SPDYA: variants seen among roughly 807,000 people sequenced by gnomAD.
SPDYA encodes the protein speedy protein A.
A neutral mutation model predicts 36.7 loss-of-function variants in SPDYA; 11 were observed. The ratio of observed to expected loss-of-function variants is 0.30; its 90% CI spans 0.19 to 0.50. The LOEUF (loss-of-function observed/expected upper bound fraction) is 0.50. Ranked by LOEUF, SPDYA falls within the 20% of genes least tolerant of loss-of-function variation. The pLI is 0.98. For missense variants in SPDYA, 287 were observed against 370.9 expected (o/e 0.77, Z 1.86); for synonymous variants, 115 against 118.7 (o/e 0.97, Z 0.20).
At chr2:28,813,387 T>C (rs1399294030) in intron 1 of SPDYA, among the ~76,000 whole-genome samples, 1 of 152,190 alleles carries the variant, frequency 6.6e-6, no homozygotes, top group Non-Finnish European at 1.5e-5. Flanking sequence ...GTAAAACTTA[T>C]CTTCTGGAAT....
chr2:28,845,744 C>T (rs181280477), intron 7 of SPDYA, among the ~76,000 whole-genome samples: 13 of 151,956 alleles, frequency 8.6e-5, no homozygotes, highest in Middle Eastern at 3.4e-3. Context: ...AGGGTTTCAC[C>T]ATGTTGGTCA....
chr2:28,821,187 TTTTC>T (rs1299152495), intron 4 of SPDYA, among the ~76,000 whole-genome samples: 17 of 144,134 alleles, frequency 1.2e-4, no homozygotes, highest in African/African-American at 3.1e-4. Context: ...GATTTTTTTT[TTTTC>T]TTTTTCTTTT....
At chr2:28,833,798 C>A (rs996761218) in intron 6 of SPDYA, among the ~76,000 whole-genome samples, 3 of 151,902 alleles carry the variant, frequency 2.0e-5, no homozygotes, top group Non-Finnish European at 4.4e-5. Flanking sequence ...TCTTCGTGAC[C>A]TTGAATTAGG....
chr2:28,836,321 G>A (rs1022964101), intron 6 of SPDYA, among the ~76,000 whole-genome samples: 1 of 152,126 alleles, frequency 6.6e-6, no homozygotes, highest in Non-Finnish European at 1.5e-5. Flanking sequence ...TTTAGAAAAT[G>A]CATTTATTTC....
Position 28,820,718 on chromosome 2 carries a change from AT to A in SPDYA, c.295-1605del, listed in dbSNP as rs549769372. Reference sequence around the variant, plus strand: ...TTGTACCAAGCAGTCATATTTGAAAATTAAGCGTGACTTTACATCACTACTA... The same window carrying A: ...TTGTACCAAGCAGTCATATTTGAAAATAAGCGTGACTTTACATCACTACTA... On this transcript the variant is annotated intron_variant, in intron 4 of 7. Coordinates refer to ENST00000334056, the MANE Select transcript of SPDYA (RefSeq NM_182756.4). Among the ~76,000 whole-genome samples the A allele has an allele frequency of 2.9e-3, 447 of 152,308 alleles. 2 individuals are homozygous for A. Among genetic ancestry groups the A allele is most frequent in the African/African-American group, 9.8e-3 (406 of 41,576 alleles).
At chr2:28,847,737 C>T (rs1668915504) in intron 7 of SPDYA, among the ~76,000 whole-genome samples, 1 of 103,488 alleles carries the variant, frequency 9.7e-6, no homozygotes, top group African/African-American at 3.5e-5. Flanking sequence ...CAGAGCAAGA[C>T]TCTGTCTCAA....
At position 28,837,618 on chromosome 2, in the gene SPDYA, T is replaced by G. The variant is rs148689501; in HGVS notation, c.553-2554T>G. ...TATTAACTCTCACAATTCTTAGATC[T>G]AGCTAGGTAATCCCAGATAAGAAAC... On this transcript the variant is annotated intron_variant, in intron 6 of 7. Coordinates refer to ENST00000334056, the MANE Select transcript of SPDYA (RefSeq NM_182756.4). Among the ~76,000 whole-genome samples, 128 of 152,288 alleles carry G rather than the reference T, an allele frequency of 8.4e-4. 3 individuals are homozygous for G. In the East Asian group the frequency reaches 0.018, roughly 22 times the overall value.
chr2:28,836,680 T>C (rs146082536), intron 6 of SPDYA, among the ~76,000 whole-genome samples: 11 of 152,356 alleles, frequency 7.2e-5, no homozygotes, highest in African/African-American at 1.9e-4. Flanking sequence ...AATGAAATTT[T>C]TTCCCCTTTT....
intron 7 of SPDYA, among the ~76,000 whole-genome samples, chr2:28,848,602 G>A (rs1269975491): frequency 1.3e-5 from 2 of 152,160 alleles, no homozygotes; most frequent in Middle Eastern, 3.4e-3. Context: ...CTCTAAAAAG[G>A]CAGAGATTTT....
intron 7 of SPDYA, among the ~76,000 whole-genome samples, chr2:28,848,715 T>C (rs1668950807): frequency 6.6e-6 from 1 of 152,128 alleles, no homozygotes; most frequent in Non-Finnish European, 1.5e-5. Flanking sequence ...CTAGGAATGG[T>C]AGCATTTACC....
chr2:28,823,702 A>AACATATAT (rs1417718978), intron 5 of SPDYA, among the ~76,000 whole-genome samples: 1 of 49,228 alleles, frequency 2.0e-5, no homozygotes, highest in African/African-American at 7.2e-5. Context: ...GGAATGCATG[A>AACATATAT]ATATATATAT....
At chr2:28,823,902 C>T (rs1449846875) in intron 5 of SPDYA, among the ~76,000 whole-genome samples, 5 of 148,622 alleles carry the variant, frequency 3.4e-5, no homozygotes, top group African/African-American at 4.9e-5. Context: ...CCCACCACCA[C>T]GCCCAACTAA....
At chr2:28,839,535 T>C (rs1324040763) in intron 6 of SPDYA, among the ~76,000 whole-genome samples, 1 of 152,248 alleles carries the variant, frequency 6.6e-6, no homozygotes, top group African/African-American at 2.4e-5. Flanking sequence ...GGAGTCTCTC[T>C]CTGTGGCCCA....
At chr2:28,815,967 G>T (rs969473721) in intron 2 of SPDYA, 30 bp from the exon 3 acceptor site, 8 of 1,412,528 alleles carry the variant, frequency 5.7e-6, no homozygotes, top group Admixed American at 5.4e-5. Context: ...GAATGTGTGT[G>T]ATGAATAATT....
chr2:28,846,722 TACACACACACACACAC>T (rs58731880), intron 7 of SPDYA, among the ~76,000 whole-genome samples: 43 of 126,558 alleles, frequency 3.4e-4, no homozygotes, highest in East Asian at 1.3e-3. Context: ...AGAAGAAAAC[TACACACACACACACAC>T]ACACACACAC....
chr2:28,819,923 A>G (rs1345534816), intron 4 of SPDYA, among the ~76,000 whole-genome samples: 3 of 127,466 alleles, frequency 2.4e-5, no homozygotes, highest in African/African-American at 9.3e-5. Context: ...AGGCAGGAGG[A>G]TTGCTTGAGC....
chr2:28,832,777 A>C (rs1337672557), intron 6 of SPDYA, among the ~76,000 whole-genome samples: 1 of 151,172 alleles, frequency 6.6e-6, no homozygotes, highest in Non-Finnish European at 1.5e-5. Context: ...CTAATACTAT[A>C]CTTTTATTGT....
intron 4 of SPDYA, among the ~76,000 whole-genome samples, chr2:28,821,025 T>A (rs1200906787): frequency 6.6e-6 from 1 of 152,156 alleles, no homozygotes; most frequent in African/African-American, 2.4e-5. Context: ...TTGAAGCTGA[T>A]CCCAGACATC....
chr2:28,839,241 C>A (rs952072640), intron 6 of SPDYA, among the ~76,000 whole-genome samples: 1 of 152,062 alleles, frequency 6.6e-6, no homozygotes, highest in African/African-American at 2.4e-5. Flanking sequence ...ACCAAGTGTA[C>A]CCGGACTCTA....
Sources: allele counts gnomAD v4.1 joint callset (sites outside exome capture counted in the v4.1 genomes callset), GRCh38; gene constraint gnomAD v4.1.1; transcripts MANE v1.5; gene names NCBI Gene and HGNC (gene_info 2026-07-23, HGNC 2026-07-21).